The following TRDN variants were observed in gnomAD, a reference collection of about 807,000 sequenced individuals.
TRDN encodes triadin, also known as triadin in skeletal muscle.
TRDN carries 161 observed loss-of-function variants against 149.7 expected under a neutral mutation model. The ratio of observed to expected loss-of-function variants is 1.08; its 90% confidence interval spans 0.95 to 1.23. The LOEUF is 1.23. TRDN is among the 50% of genes most tolerant of loss of function. The pLI is 0.00. For synonymous variants in TRDN, 294 were observed against 250.5 expected, an observed-to-expected ratio of 1.17 and a Z score of -1.64; for missense variants, 896 against 823.5, an observed-to-expected ratio of 1.09 and a Z score of -1.08.
chr6:123,467,884 G>A (rs928254566), intron 9 of TRDN, among the ~76,000 whole-genome samples: 3 of 152,060 alleles, frequency 2.0e-5, no homozygotes, highest in African/African-American at 7.2e-5. Flanking sequence ...GCATGCTTAG[G>A]AGTCACATGG....
intron 5 of TRDN, among the ~76,000 whole-genome samples, chr6:123,526,594 T>C (rs1181640397): frequency 6.6e-6 from 1 of 152,118 alleles, no homozygotes. Flanking sequence ...TAAATGGAAT[T>C]ATATCTACTG....
At position 123,316,513 on chromosome 6, in the gene TRDN, CATA is replaced by C. The variant is rs1476344141; in HGVS notation, c.1472-21_1472-19del. On this transcript the variant is annotated intron_variant, in intron 23 of 40. Transcript: ENST00000334268. Reference sequence around the variant, plus strand: ...TTCAGGTTCTGGGGCAAAACGTACACATAAACACGTACAAACAAAAGGGAAAAA... The same window carrying C: ...TTCAGGTTCTGGGGCAAAACGTACACAACACGTACAAACAAAAGGGAAAAA... 1 of 1,608,700 alleles carries C rather than the reference CATA, an allele frequency of 6.2e-7. No homozygotes were observed. Among genetic ancestry groups the C allele is most frequent in the Admixed American group, 1.7e-5 (1 of 59,550 alleles).
At chr6:123,224,362 G>A (rs772519232) in intron 38 of TRDN, among the ~76,000 whole-genome samples, 1 of 151,670 alleles carries the variant, frequency 6.6e-6, no homozygotes, top group African/African-American at 2.4e-5. Context: ...GCTGGTAAAG[G>A]TTACTTAGGG....
At chr6:123,413,675 T>C (rs1300328502) in intron 12 of TRDN, among the ~76,000 whole-genome samples, 2 of 152,108 alleles carry the variant, frequency 1.3e-5, no homozygotes, top group Non-Finnish European at 2.9e-5. Flanking sequence ...GGCAAGTGAA[T>C]ATAGTTTCCC....
At chr6:123,454,705 G>T (rs748319666) in intron 10 of TRDN, among the ~76,000 whole-genome samples, 1 of 152,172 alleles carries the variant, frequency 6.6e-6, no homozygotes, top group Admixed American at 6.5e-5. Context: ...GCCTCCTGTC[G>T]GATCAGCAGC....
intron 1 of TRDN, among the ~76,000 whole-genome samples, chr6:123,582,429 AAG>A (rs1239568730): frequency 2.7e-5 from 4 of 149,932 alleles, no homozygotes; most frequent in Admixed American, 6.6e-5. Flanking sequence ...TGAGTCCAAA[AAG>A]AGAGTCAGTG....
At chr6:123,555,764 G>A (rs56880231) in intron 2 of TRDN, among the ~76,000 whole-genome samples, 4,944 of 152,080 alleles carry the variant, frequency 0.033, 108 homozygotes, top group African/African-American at 0.066. Flanking sequence ...AATTATTTAT[G>A]CTAAAATAAT....
rs967282732 is a variant in TRDN at position 123,448,097 on chromosome 6, G to A, written c.932-9094C>T. ...CAGAAAGACACTGAGAGCTCGCTGG[G>A]TCCCCTAGCAGGCCATTCCTGCCTG... On this transcript the variant is annotated intron_variant, in intron 10 of 40. Coordinates refer to ENST00000334268, the MANE Select transcript of TRDN (RefSeq NM_006073.4). Among the ~76,000 whole-genome samples the A allele has an allele frequency of 2.0e-5, 3 of 152,202 alleles. No homozygotes were observed. In the East Asian group the frequency reaches 5.8e-4, roughly 29 times the overall value.
chr6:123,586,523 A>C (rs1783494273), intron 1 of TRDN, among the ~76,000 whole-genome samples: 1 of 152,204 alleles, frequency 6.6e-6, no homozygotes, highest in Non-Finnish European at 1.5e-5. Flanking sequence ...CAGGCACCTC[A>C]GACCATTTGC....
chr6:123,587,967 CAG>C (rs1369446110), intron 1 of TRDN, among the ~76,000 whole-genome samples: 2 of 152,114 alleles, frequency 1.3e-5, no homozygotes, highest in East Asian at 1.9e-4. Context: ...GTGCAGGTCA[CAG>C]GGGATATGAT....
intron 21 of TRDN, among the ~76,000 whole-genome samples, chr6:123,341,441 A>G (rs1780059632): frequency 1.3e-5 from 2 of 151,910 alleles, no homozygotes; most frequent in South Asian, 4.1e-4. Flanking sequence ...CAGTTGAATT[A>G]TATCTATGCA....
intron 9 of TRDN, among the ~76,000 whole-genome samples, chr6:123,490,216 T>C (rs189755197): frequency 5.7e-4 from 87 of 152,310 alleles, no homozygotes; most frequent in African/African-American, 2.0e-3. Context: ...AGTTCCCTCT[T>C]ATCCATAAAA....
Position 123,548,479 on chromosome 6 carries a change from A to G in TRDN, c.366T>C (p.Asp122=), listed in dbSNP as rs777918334. ...DIISSEDEED[D]DGDEDTDKGE... The stretch of plus-strand genomic sequence containing the variant: ...CTTTATCAGTATCTTCGTCACCATC[A>G]TCATCTTCTTCATCTTCAGATGAGA... Residue 122 remains aspartate, a synonymous_variant, in exon 3 of 41, where the codon GAT becomes GAC. Transcript: ENST00000334268. 2 of 1,573,958 alleles carry G rather than the reference A, an allele frequency of 1.3e-6. No homozygotes were observed. Among genetic ancestry groups the G allele is most frequent in the South Asian group, 2.4e-5 (2 of 83,402 alleles).
At chr6:123,328,366 AC>A (rs1238713503) in intron 23 of TRDN, among the ~76,000 whole-genome samples, 1 of 151,976 alleles carries the variant, frequency 6.6e-6, no homozygotes, top group Non-Finnish European at 1.5e-5. Context: ...ATGACCACAC[AC>A]CCCCAACCAA....
intron 24 of TRDN, among the ~76,000 whole-genome samples, chr6:123,296,096 A>G (rs1240847763): frequency 2.0e-5 from 3 of 152,174 alleles, no homozygotes; most frequent in East Asian, 1.9e-4. Flanking sequence ...ATGTTGCAGC[A>G]TTATTTTCTC....
chr6:123,564,777 A>G (rs926751908), intron 2 of TRDN, among the ~76,000 whole-genome samples: 3 of 152,214 alleles, frequency 2.0e-5, no homozygotes, highest in African/African-American at 7.2e-5. Flanking sequence ...TGTGCCAGGC[A>G]TGTAGGTTTT....
chr6:123,283,453 G>T (rs1382702944), intron 24 of TRDN, among the ~76,000 whole-genome samples: 1 of 151,218 alleles, frequency 6.6e-6, no homozygotes, highest in Non-Finnish European at 1.5e-5. Flanking sequence ...CAGAAGAAAA[G>T]AAATAACTAA....
intron 24 of TRDN, among the ~76,000 whole-genome samples, chr6:123,312,505 A>G (rs1035674712): frequency 2.0e-5 from 3 of 151,960 alleles, no homozygotes; most frequent in Admixed American, 6.6e-5. Flanking sequence ...TATAATACAT[A>G]TAACATACCA....
At chr6:123,468,643 A>C (rs1776974671) in intron 9 of TRDN, among the ~76,000 whole-genome samples, 2 of 152,222 alleles carry the variant, frequency 1.3e-5, no homozygotes, top group Admixed American at 1.3e-4. Context: ...TTATGATTGC[A>C]TGATGGAAAA....
Sources: gnomAD v4.1 joint callset for allele counts (sites outside exome capture counted in the v4.1 genomes callset) on GRCh38, gnomAD v4.1.1 for gene constraint, MANE v1.5 for transcripts, NCBI Gene and HGNC (gene_info 2026-07-23, HGNC 2026-07-21) for gene names.